Variants in PRH1 observed in about 807,000 individuals in gnomAD.
The protein encoded by PRH1 is proline rich protein HaeIII subfamily 1.
A neutral mutation model predicts 7.9 loss-of-function variants in PRH1; 7 were observed. The ratio of observed to expected loss-of-function variants is 0.89; its 90% confidence interval spans 0.50 to 1.67. PRH1 has a LOEUF of 1.67. Ranked by LOEUF, PRH1 falls within the 40% of genes most tolerant of loss-of-function variation. PRH1 has a pLI of 0.00. For synonymous variants in PRH1, 45 were observed against 80.8 expected, an observed-to-expected ratio of 0.56 and a Z score of 2.38; for missense variants, 109 against 223.6, an observed-to-expected ratio of 0.49 and a Z score of 3.27.
rs149329312 is a variant in PRH1, at chr12:10,974,591, T to C, written c.-125-870A>G. ...AAATGAAACCCACCTTATTCCGAAA[T>C]CAAACCCCCAAGGGTATCAAAGAAG... is the stretch of plus-strand genomic sequence containing the variant. On this transcript the variant is annotated intron_variant, in intron 1 of 3. Transcript: ENST00000539853. Among the ~76,000 whole-genome samples, 489 of 151,288 alleles carry C rather than the reference T, an allele frequency of 3.2e-3. 14 individuals carry two copies. The highest frequency in any genetic ancestry group is 0.029 in the Admixed American group (433 of 15,166).
rs1312556053 is a variant in PRH1 at position 11,096,958 on chromosome 12, C to T, written n.124-49770G>A. On this transcript the variant is annotated intron_variant and non_coding_transcript_variant, in intron 1 of 4. Coordinates refer to the PRH1 transcript ENST00000541977. ...GACTACAGGCACCCACCACCACGCT[C>T]GGCTAATTTTTTCGTATTTTTAGTA... Among the ~76,000 whole-genome samples, 29 of 113,236 alleles carry T rather than the reference C, an allele frequency of 2.6e-4. 8 individuals carry two copies. Among genetic ancestry groups the T allele is most frequent in the African/African-American group, 8.0e-4 (27 of 33,618 alleles). 74.3% of individuals were successfully genotyped at this position (113,236 alleles called of 152,430 possible).
At chr12:11,053,441 T>C (rs1443589441) in intron 1 of PRH1, among the ~76,000 whole-genome samples, 66 of 151,720 alleles carry the variant, frequency 4.4e-4, no homozygotes, top group Non-Finnish European at 7.4e-5. Flanking sequence ...AAAATCTTTT[T>C]ATAGTGTTCC....
intron 2 of PRH1, among the ~76,000 whole-genome samples, chr12:10,894,192 A>AT (rs1050537041): frequency 5.9e-5 from 9 of 152,052 alleles, no homozygotes; most frequent in African/African-American, 1.9e-4. Flanking sequence ...AATCTTACTG[A>AT]TTTTTTAATA....
At chr12:11,148,377 G>A (rs1264988092) in intron 1 of PRH1, among the ~76,000 whole-genome samples, 1 of 150,252 alleles carries the variant, frequency 6.7e-6, no homozygotes, top group Non-Finnish European at 1.5e-5. Context: ...GTTTTCAAAG[G>A]GAATGCTTCC....
intron 2 of PRH1, among the ~76,000 whole-genome samples, chr12:10,926,930 C>T (rs1950131748): frequency 1.3e-5 from 2 of 152,156 alleles, no homozygotes; most frequent in Admixed American, 6.5e-5. Context: ...TGACGGCTGC[C>T]ACCCACTCTA....
intron 2 of PRH1, among the ~76,000 whole-genome samples, chr12:10,900,376 C>T (rs186395521): frequency 6.6e-6 from 1 of 152,196 alleles, no homozygotes; most frequent in East Asian, 1.9e-4. Flanking sequence ...GAGCAGGATA[C>T]CATTTTTAAT....
intron 1 of PRH1, among the ~76,000 whole-genome samples, chr12:11,039,119 G>GA (rs1424210438): frequency 2.5e-4 from 38 of 152,330 alleles, no homozygotes; most frequent in African/African-American, 7.5e-4. Flanking sequence ...CAAGCTTAAT[G>GA]TAGGTGTCCA....
chr12:11,085,408 G>GAA (rs1254032775), intron 1 of PRH1, among the ~76,000 whole-genome samples: 4 of 123,032 alleles, frequency 3.3e-5, no homozygotes, highest in Non-Finnish European at 7.3e-5. Context: ...TACTGTTATG[G>GAA]AAAAAAATGG....
chr12:11,068,661 C>T (rs1189455836), intron 1 of PRH1, among the ~76,000 whole-genome samples: 2 of 152,300 alleles, frequency 1.3e-5, no homozygotes, highest in East Asian at 3.9e-4. Context: ...CTAAAACATA[C>T]TACCTGTACA....
At chr12:11,142,203 C>G (rs984414874) in intron 1 of PRH1, among the ~76,000 whole-genome samples, 4 of 152,166 alleles carry the variant, frequency 2.6e-5, no homozygotes, top group African/African-American at 4.8e-5. Context: ...CAATTCATCA[C>G]AGAGTTGTAC....
At chr12:11,024,522 C>G (rs1354615479) in intron 1 of PRH1, among the ~76,000 whole-genome samples, 3 of 152,210 alleles carry the variant, frequency 2.0e-5, no homozygotes, top group African/African-American at 2.4e-5. Flanking sequence ...CTGATTTGAT[C>G]TATGTATAGG....
chr12:11,086,581 T>A (rs1944708489), intron 1 of PRH1, among the ~76,000 whole-genome samples: 2 of 151,516 alleles, frequency 1.3e-5, no homozygotes, highest in Admixed American at 1.3e-4. Context: ...GAGACTCCAT[T>A]TTACAACTAC....
chr12:11,066,971 A>C (rs1384220921), intron 1 of PRH1, among the ~76,000 whole-genome samples: 1 of 152,182 alleles, frequency 6.6e-6, no homozygotes, highest in Non-Finnish European at 1.5e-5. Context: ...ATTTTTCAAT[A>C]TGAATATAGA....
Position 10,889,718 on chromosome 12 carries a change from T to A in PRH1, c.-58-5443A>T, listed in dbSNP as rs532924912. Among the ~76,000 whole-genome samples the A allele has an allele frequency of 2.0e-5, 3 of 152,308 alleles. No individual in the cohort carries two copies. In the East Asian group the frequency reaches 5.8e-4, roughly 29 times the overall value. On this transcript the variant is annotated intron_variant, in intron 2 of 3. Transcript: ENST00000539853. Reference sequence around the variant, plus strand: ...ATTTTTTCAATTATTTTACCCTGTATTGTTTAGAGTATATAATTTCTATTG... The same window carrying A: ...ATTTTTTCAATTATTTTACCCTGTAATGTTTAGAGTATATAATTTCTATTG...
chr12:11,104,532 T>C (rs1205826157), intron 1 of PRH1, among the ~76,000 whole-genome samples: 1 of 152,236 alleles, frequency 6.6e-6, no homozygotes, highest in Non-Finnish European at 1.5e-5. Context: ...GTCTTGTTTG[T>C]TAATTTTGAT....
downstream of PRH1, among the ~76,000 whole-genome samples, chr12:11,118,688 T>C (rs1213524637): frequency 2.0e-5 from 3 of 151,876 alleles, no homozygotes; most frequent in African/African-American, 7.3e-5. Context: ...CAGCAACAGA[T>C]GAATAGATAA....
At chr12:11,066,114 A>G (rs949693534) in intron 1 of PRH1, among the ~76,000 whole-genome samples, 1 of 139,882 alleles carries the variant, frequency 7.1e-6, no homozygotes, top group African/African-American at 2.6e-5. Flanking sequence ...CAAGTTTATG[A>G]AAGATTGAAG....
intron 2 of PRH1, among the ~76,000 whole-genome samples, chr12:10,936,049 G>A (rs2135879358): frequency 6.6e-6 from 1 of 152,060 alleles, no homozygotes; most frequent in South Asian, 2.1e-4. Context: ...TTTTCATGGG[G>A]CATTCGATGA....
chr12:11,023,710 G>T (rs1211575485), intron 1 of PRH1, among the ~76,000 whole-genome samples: 1 of 152,158 alleles, frequency 6.6e-6, no homozygotes, highest in African/African-American at 2.4e-5. Flanking sequence ...CCCAGAAGAA[G>T]AAAGAGAAAC....
Sources: allele counts gnomAD v4.1 joint callset (sites outside exome capture counted in the v4.1 genomes callset), GRCh38; gene constraint gnomAD v4.1.1; transcripts MANE v1.5; gene names NCBI Gene and HGNC (gene_info 2026-07-23, HGNC 2026-07-21).